The following CNIH1 variants were observed in gnomAD, a reference collection of about 807,000 sequenced individuals.
CNIH1 encodes the protein protein cornichon homolog 1.
A neutral mutation model predicts 20.2 loss-of-function variants in CNIH1; 12 were observed. That is an observed-to-expected ratio of 0.59 (90% CI 0.38 to 0.96). The LOEUF (loss-of-function observed/expected upper bound fraction) is 0.96. CNIH1 is among the 40% of genes least tolerant of loss of function. The pLI is 0.00. For missense variants in CNIH1, 152 were observed against 178.8 expected, an observed-to-expected ratio of 0.85 and a Z score of 0.85; for synonymous variants, 69 against 63.3, an observed-to-expected ratio of 1.09 and a Z score of -0.43.
At chr14:54,427,874 A>G in intron 4 of CNIH1, 33 bp from the exon 5 acceptor site, 2 of 1,600,368 alleles carry the variant, frequency 1.2e-6, no homozygotes, top group South Asian at 2.2e-5. Context: ...TAATTTGAAC[A>G]TTACTAATTA....
At chr14:54,435,399 A>G (rs2031035384) in intron 2 of CNIH1, among the ~76,000 whole-genome samples, 1 of 152,180 alleles carries the variant, frequency 6.6e-6, no homozygotes, top group Non-Finnish European at 1.5e-5. Context: ...AAAAATACAT[A>G]CATATATATT....
intron 1 of CNIH1, among the ~76,000 whole-genome samples, chr14:54,440,793 G>C (rs1442714961): frequency 6.6e-6 from 1 of 152,222 alleles, no homozygotes; most frequent in Non-Finnish European, 1.5e-5. Context: ...ACCCTAAGTA[G>C]GTTACATTTT....
In CNIH1 at chr14:54,432,639, C is replaced by T. The variant is rs539659097; in HGVS notation, c.151-419G>A. ...AAAAATTCCACAGAAACAAAACTCC[C>T]CTTTGGAATTTTACATATCAGTGTT... On this transcript the variant is annotated intron_variant, in intron 2 of 4. Coordinates refer to ENST00000216416, the MANE Select transcript of CNIH1 (RefSeq NM_005776.3). Among the ~76,000 whole-genome samples the T allele has an allele frequency of 3.3e-5, 5 of 152,266 alleles. No homozygotes were observed. In the South Asian group the frequency reaches 1.0e-3, roughly 32 times the overall value.
intron 2 of CNIH1, among the ~76,000 whole-genome samples, chr14:54,434,012 T>C (rs1340168626): frequency 3.9e-5 from 6 of 152,120 alleles, no homozygotes; most frequent in Non-Finnish European, 5.9e-5. Context: ...AATTATTCAA[T>C]TTAGGAACCA....
At position 54,424,499 on chromosome 14, in the gene CNIH1, C is replaced by T. The variant is rs2030787938; in HGVS notation, c.*3315G>A. The T allele has an allele frequency of 6.6e-6, 1 of 152,098 alleles. No individual in the cohort carries two copies. Among genetic ancestry groups the T allele is most frequent in the Non-Finnish European group, 1.5e-5 (1 of 68,026 alleles). 9.4% of individuals were successfully genotyped at this position (152,098 alleles called of 1,614,324 possible). ...AACCACACCTAAGGTGAAAGCTCAC[C>T]CCTACAGGGTATAAGTGATACACGG... On this transcript the variant is annotated 3_prime_UTR_variant, in exon 5 of 5. Coordinates refer to ENST00000216416, the MANE Select transcript of CNIH1 (RefSeq NM_005776.3).
At chr14:54,432,835 T>C (rs574657570) in intron 2 of CNIH1, among the ~76,000 whole-genome samples, 1 of 152,300 alleles carries the variant, frequency 6.6e-6, no homozygotes, top group East Asian at 1.9e-4. Context: ...TTCTGCAATG[T>C]AGGAGGGAAA....
chr14:54,438,275 T>C (rs1241038956), intron 1 of CNIH1, among the ~76,000 whole-genome samples: 7 of 152,198 alleles, frequency 4.6e-5, no homozygotes, highest in Admixed American at 4.6e-4. Context: ...CCACTGTGCC[T>C]GGTCACAGGG....
rs1364472006 is a variant in CNIH1 at position 54,426,032 on chromosome 14, G to C, written c.*1782C>G. 3.9e-5 allele frequency: 6 copies of C among 152,150 alleles called. No homozygotes were observed. In the East Asian group the frequency reaches 1.2e-3, roughly 29 times the overall value. The allele number at this position is 152,150 out of a possible 1,614,324, so 9.4% of individuals were successfully genotyped here. On this transcript the variant is annotated 3_prime_UTR_variant, in exon 5 of 5. Transcript: ENST00000216416. The stretch of plus-strand genomic sequence containing the variant: ...TTGTGAACAAGAAAGAAAACTAAGT[G>C]CATGCTGATGTAATCAGGTGGACTG...
chr14:54,430,203 C>G, intron 4 of CNIH1, 58 bp downstream of exon 4: 1 of 1,566,506 alleles, frequency 6.4e-7, no homozygotes, highest in South Asian at 1.1e-5. Flanking sequence ...ACCATAATGC[C>G]TGCAAACTTT....
In CNIH1 at chr14:54,426,470, G is replaced by A. The variant is rs768288283; in HGVS notation, c.*1344C>T. The A allele has an allele frequency of 1.3e-5, 2 of 152,026 alleles. No homozygotes were observed. The highest frequency in any genetic ancestry group is 2.9e-5 in the Non-Finnish European group (2 of 67,990). The allele number at this position is 152,026 out of a possible 1,614,324, so 9.4% of individuals were successfully genotyped here. A position where few individuals can be genotyped will look rare whatever the true frequency, so the allele number is the denominator to read the frequency against. Reference sequence around the variant, plus strand: ...CTCTTTCTTTTGATCCTCTTCTCAAGAAACTTCCAAACCACTTATTTTATT... The same window carrying A: ...CTCTTTCTTTTGATCCTCTTCTCAAAAAACTTCCAAACCACTTATTTTATT... On this transcript the variant is annotated 3_prime_UTR_variant, in exon 5 of 5. Transcript: ENST00000216416.
In CNIH1 at chr14:54,427,611, A is replaced by T; in HGVS notation, c.*203T>A. ...TATTAATTTATACGTAATACCATTT[A>T]AAATCTTTATCTGAGTATAACATAT... On this transcript the variant is annotated 3_prime_UTR_variant, in exon 5 of 5. Coordinates refer to ENST00000216416, the MANE Select transcript of CNIH1 (RefSeq NM_005776.3). 1.7e-6 allele frequency: 1 copy of T among 575,794 alleles called. No homozygotes were observed. The highest frequency in any genetic ancestry group is 3.1e-6 in the Non-Finnish European group (1 of 326,224). 35.7% of individuals were successfully genotyped at this position (575,794 alleles called of 1,614,324 possible). A position where few individuals can be genotyped will look rare whatever the true frequency, so the allele number is the denominator to read the frequency against.
intron 1 of CNIH1, among the ~76,000 whole-genome samples, chr14:54,441,001 T>C (rs1039724150): frequency 3.3e-5 from 5 of 151,994 alleles, no homozygotes; most frequent in Non-Finnish European, 5.9e-5. Flanking sequence ...CCCCATCCAG[T>C]AGGGGAGGAG....
Position 54,424,311 on chromosome 14 carries a change from T to C in CNIH1, c.*3503A>G, listed in dbSNP as rs2030784535. The C allele has an allele frequency of 6.6e-6, 1 of 152,214 alleles. No homozygotes were observed. The highest frequency in any genetic ancestry group is 1.5e-5 in the Non-Finnish European group (1 of 68,030). The allele number at this position is 152,214 out of a possible 1,614,324, so 9.4% of individuals were successfully genotyped here. A position where few individuals can be genotyped will look rare whatever the true frequency, so the allele number is the denominator to read the frequency against. ...ATGTTTTTCTTTCCCCTGAAGAATG[T>C]TGTTTTAGAATATTTTTGCCATCAA... On this transcript the variant is annotated 3_prime_UTR_variant, in exon 5 of 5. Coordinates refer to ENST00000216416, the MANE Select transcript of CNIH1 (RefSeq NM_005776.3).
At chr14:54,430,833 TTTG>T (rs113820422) in intron 3 of CNIH1, among the ~76,000 whole-genome samples, 1 of 152,128 alleles carries the variant, frequency 6.6e-6, no homozygotes, top group East Asian at 1.9e-4. Flanking sequence ...GTTTTGTTTT[TTTG>T]TTGTTGTTGT....
chr14:54,430,144 C>T, intron 4 of CNIH1, 117 bp downstream of exon 4: 1 of 1,093,898 alleles, frequency 9.1e-7, no homozygotes, highest in Non-Finnish European at 1.3e-6. Context: ...GTGCACCATG[C>T]ACACTTAAGA....
Position 54,434,070 on chromosome 14 carries a change from T to C in CNIH1, c.151-1850A>G, listed in dbSNP as rs151303070. Among the ~76,000 whole-genome samples the C allele has an allele frequency of 1.4e-4, 21 of 152,270 alleles. No individual in the cohort carries two copies. In the East Asian group the frequency reaches 4.0e-3, roughly 29 times the overall value. ...CCAGAAAAAAAACCTCAAGCAAATA[T>C]GGCTGAAATGATAACATTTAAACAT... On this transcript the variant is annotated intron_variant, in intron 2 of 4. Transcript: ENST00000216416.
intron 4 of CNIH1, among the ~76,000 whole-genome samples, chr14:54,429,826 T>C (rs2030898729): frequency 6.6e-6 from 1 of 151,942 alleles, no homozygotes; most frequent in Non-Finnish European, 1.5e-5. Context: ...TTCATACCAC[T>C]CAAATCAAGC....
rs1230139769 is a variant in CNIH1 at position 54,430,546 on chromosome 14, C to T, written c.264-142G>A. On this transcript the variant is annotated intron_variant, in intron 3 of 4. Transcript: ENST00000216416. ...TTTTACTTATGGGTAAAATGCTTTCCTTTTACCATCTTAATTTTAAAAGTA... is the reference window on the plus strand; with the variant it reads ...TTTTACTTATGGGTAAAATGCTTTCTTTTTACCATCTTAATTTTAAAAGTA... The T allele has an allele frequency of 7.2e-6, 5 of 698,670 alleles. No individual in the cohort carries two copies. The East Asian group carries it at 1.4e-4, about 19-fold the overall frequency. 43.3% of individuals were successfully genotyped at this position (698,670 alleles called of 1,614,324 possible).
intron 1 of CNIH1, among the ~76,000 whole-genome samples, chr14:54,437,199 C>A (rs1411983954): frequency 6.6e-6 from 1 of 152,194 alleles, no homozygotes; most frequent in African/African-American, 2.4e-5. Flanking sequence ...TTTGTGGCAT[C>A]ATTTCAGGTG....
Sources: gnomAD v4.1 joint callset for allele counts (sites outside exome capture counted in the v4.1 genomes callset) on GRCh38, gnomAD v4.1.1 for gene constraint, MANE v1.5 for transcripts, NCBI Gene and HGNC (gene_info 2026-07-23, HGNC 2026-07-21) for gene names.